Variants in MGA observed in about 807,000 individuals in gnomAD.
MGA encodes MAX dimerization protein MGA, also known as MAX gene-associated protein.
In MGA, 40 loss-of-function variants were observed where a neutral mutation model predicts 261.1. The observed-to-expected ratio is 0.15, with a 90% CI of 0.12 to 0.20. The LOEUF (loss-of-function observed/expected upper bound fraction) is 0.20, where lower values mean the gene tolerates loss of function less well. Among genes scored for constraint, MGA ranks in the 10% least tolerant of loss-of-function variants. The probability of loss-of-function intolerance (pLI) is 1.00; values close to 1 mark genes in which losing one functional copy is unlikely to be tolerated. For synonymous variants in MGA, 1,302 were observed against 1,290.6 expected (o/e 1.01, Z -0.19); for missense variants, 3,397 against 3,630.5 (o/e 0.94, Z 1.65).
chr15:41,627,878 A>C (rs1030403027), intron 1 of MGA, among the ~76,000 whole-genome samples: 1 of 152,252 alleles, frequency 6.6e-6, no homozygotes, highest in African/African-American at 2.4e-5. Flanking sequence ...ATTCAAAGGT[A>C]GGAAAGGAAT....
chr15:41,656,262 G>T (rs2057167599), upstream of MGA, among the ~76,000 whole-genome samples: 1 of 151,374 alleles, frequency 6.6e-6, no homozygotes, highest in Admixed American at 6.6e-5. Flanking sequence ...CTTAGGCAAG[G>T]GTGAGGAACG....
At position 41,761,828 on chromosome 15, in the gene MGA, A is replaced by G; in HGVS notation, c.7488A>G (p.Ile2496Met). Residue 2496 changes from isoleucine to methionine, a missense_variant, in exon 21 of 24, where the codon ATA becomes ATG. Coordinates refer to ENST00000219905, the MANE Select transcript of MGA (RefSeq NM_001164273.2). Reference sequence around the variant, plus strand: ...TGACTCGAAAACGGAATATTCTGATACGGAAAGTATCGTCTCTTTCAGGTG... The same window carrying G: ...TGACTCGAAAACGGAATATTCTGATGCGGAAAGTATCGTCTCTTTCAGGTG... 2 of 1,585,134 alleles carry G rather than the reference A, an allele frequency of 1.3e-6. No individual in the cohort carries two copies. The highest frequency in any genetic ancestry group is 1.7e-6 in the Non-Finnish European group (2 of 1,163,332).
intron 2 of MGA, among the ~76,000 whole-genome samples, chr15:41,688,738 A>G (rs1275256160): frequency 6.6e-6 from 1 of 150,860 alleles, no homozygotes; most frequent in Non-Finnish European, 1.5e-5. Flanking sequence ...TAATTTTTTT[A>G]GTGGTTGCAT....
rs1301135447 is a variant in MGA, at chr15:41,767,985, C to T, written c.*705C>T. The T allele has an allele frequency of 6.6e-6, 1 of 152,324 alleles. No homozygotes were observed. Among genetic ancestry groups the T allele is most frequent in the Admixed American group, 6.5e-5 (1 of 15,268 alleles). 9.4% of individuals were successfully genotyped at this position (152,324 alleles called of 1,614,324 possible). ...AGTTCTCCCTTATTATTTTTGTGGG[C>T]ATTGAAAAGCTCATTTCACAGTACC... On this transcript the variant is annotated 3_prime_UTR_variant, in exon 24 of 24. Coordinates refer to ENST00000219905, the MANE Select transcript of MGA (RefSeq NM_001164273.2).
chr15:41,691,016 G>A lies in MGA; in HGVS notation c.1065-5059G>A, dbSNP rs551556684. ...TTTGTTTTTTTTTTTTTTTTTTGGT[G>A]GCTCCCTTGCATTTTCTTGTGAATT... On this transcript the variant is annotated intron_variant, in intron 2 of 23. Coordinates refer to ENST00000219905, the MANE Select transcript of MGA (RefSeq NM_001164273.2). Among the ~76,000 whole-genome samples the A allele has an allele frequency of 2.4e-4, 27 of 111,500 alleles. No homozygotes were observed. The East Asian group carries it at 7.5e-3, about 31-fold the overall frequency. 73.1% of individuals were successfully genotyped at this position (111,500 alleles called of 152,430 possible).
chr15:41,710,054 C>T (rs1281961297), intron 7 of MGA, among the ~76,000 whole-genome samples: 5 of 151,862 alleles, frequency 3.3e-5, no homozygotes, highest in African/African-American at 1.2e-4. Flanking sequence ...CTCGAACTCC[C>T]GACCTCAGGT....
chr15:41,762,461 GTTTTTTTT>G lies in MGA; in HGVS notation c.7744+122_7744+129del, dbSNP rs34069193. 840 of 138,252 alleles carry G rather than the reference GTTTTTTTT, an allele frequency of 6.1e-3. 1 individual carries two copies. The highest frequency in any genetic ancestry group is 0.018 in the East Asian group (48 of 2,742). The allele number at this position is 138,252 out of a possible 1,614,324, so 8.6% of individuals were successfully genotyped here. A position where few individuals can be genotyped will look rare whatever the true frequency, so the allele number is the denominator to read the frequency against. ...TTGTCCACATTTTTAGTTTTGTGTG[GTTTTTTTT>G]TTTTTTTTTTTTTTTTTTTTTTGGA... On this transcript the variant is annotated intron_variant, in intron 22 of 23. Coordinates refer to ENST00000219905, the MANE Select transcript of MGA (RefSeq NM_001164273.2).
chr15:41,729,096 C>G (rs1365035389), intron 10 of MGA, 68 bp from the exon 11 acceptor site: 2 of 1,432,280 alleles, frequency 1.4e-6, no homozygotes, highest in African/African-American at 2.9e-5. Flanking sequence ...ATTAAACATT[C>G]GTTTTGTTTT....
At chr15:41,651,796 CT>C (rs1249161393) in intron 1 of MGA, among the ~76,000 whole-genome samples, 4 of 8,912 alleles carry the variant, frequency 4.5e-4, no homozygotes, top group Non-Finnish European at 1.4e-3. Flanking sequence ...CTTCTCTCCT[CT>C]CCCCCCCCTC....
At chr15:41,753,173 G>A (rs2062950117) in intron 17 of MGA, among the ~76,000 whole-genome samples, 2 of 152,130 alleles carry the variant, frequency 1.3e-5, no homozygotes, top group African/African-American at 4.8e-5. Flanking sequence ...ACTTTGGGAG[G>A]CTGAGGCAGG....
intron 2 of MGA, among the ~76,000 whole-genome samples, chr15:41,670,996 T>C (rs2058029349): frequency 6.6e-6 from 1 of 152,176 alleles, no homozygotes; most frequent in South Asian, 2.1e-4. Flanking sequence ...CTTCCCTTCT[T>C]CAATTATAGT....
At chr15:41,658,457 T>G (rs1006704878), upstream of MGA, among the ~76,000 whole-genome samples, 27 of 151,904 alleles carry the variant, frequency 1.8e-4, no homozygotes, top group Non-Finnish European at 3.7e-4. Flanking sequence ...AAACAAAAAA[T>G]AAAAAAGAAA....
intron 18 of MGA, among the ~76,000 whole-genome samples, chr15:41,757,386 C>G (rs2063210591): frequency 2.0e-5 from 3 of 152,078 alleles, no homozygotes; most frequent in African/African-American, 7.2e-5. Flanking sequence ...TTACATTGTA[C>G]TAGGTGTTAT....
In MGA at chr15:41,669,302, G is replaced by A. The variant is rs769104151; in HGVS notation, c.408G>A (p.Lys136=). The A allele has an allele frequency of 1.9e-6, 3 of 1,614,024 alleles. No individual in the cohort carries two copies. The highest frequency in any genetic ancestry group is 2.2e-5 in the East Asian group (1 of 44,892). The change falls in exon 2 of 24, where the codon AAG becomes AAA. Residue 136 remains lysine, a synonymous_variant. Coordinates refer to ENST00000219905, the MANE Select transcript of MGA (RefSeq NM_001164273.2). ...CTCCTGTGGATAACCATCGTTATAA[G>A]TGGAATGGTCGTTGGTGGGAACCTA...
At chr15:41,629,489 G>T (rs925526652) in intron 1 of MGA, among the ~76,000 whole-genome samples, 1 of 152,046 alleles carries the variant, frequency 6.6e-6, no homozygotes, top group Non-Finnish European at 1.5e-5. Flanking sequence ...ATACCTTTGG[G>T]ATGTCATCGA....
At chr15:41,703,714 C>G (rs990414239) in intron 5 of MGA, among the ~76,000 whole-genome samples, 1 of 152,058 alleles carries the variant, frequency 6.6e-6, no homozygotes, top group Admixed American at 6.5e-5. Context: ...TGCACTCCAG[C>G]CTGGGCAACA....
intron 8 of MGA, 146 bp downstream of exon 8, chr15:41,711,495 T>A: frequency 1.2e-6 from 1 of 803,272 alleles, no homozygotes; most frequent in Non-Finnish European, 1.9e-6. Context: ...AGGCTATGTC[T>A]TCCCCATTTG....
rs751533531 is a variant in MGA, at chr15:41,767,000, T to G, written c.8918T>G (p.Leu2973Trp). Residue 2973 changes from leucine (L) to tryptophan (W), a missense_variant, in exon 24 of 24, where the codon TTG (leucine) becomes TGG (tryptophan). Around this residue, in one of 9 missense-constraint regions of MGA, gnomAD observed 647 missense variants for 642.4 expected, o/e 1.01. Transcript: ENST00000219905. The stretch of plus-strand genomic sequence containing the variant: ...CCCACCCTACACATGAAGACTGGCT[T>G]GGAGAACAGCAACAGCACAGACACT... 15 of 1,613,884 alleles carry G rather than the reference T, an allele frequency of 9.3e-6. No homozygotes were observed. The Admixed American group carries it at 2.5e-4, about 27-fold the overall frequency.
At chr15:41,650,418 A>G (rs2057018839) in intron 1 of MGA, among the ~76,000 whole-genome samples, 1 of 151,742 alleles carries the variant, frequency 6.6e-6, no homozygotes. Context: ...TCCTCCTACC[A>G]CTATGCTTCT....
Sources: allele counts gnomAD v4.1 joint callset (sites outside exome capture counted in the v4.1 genomes callset), GRCh38; gene constraint gnomAD v4.1.1; regional missense constraint gnomAD v4.1.1; transcripts MANE v1.5; gene names NCBI Gene and HGNC (gene_info 2026-07-23, HGNC 2026-07-21).